KCNT2: variants seen among roughly 807,000 people sequenced by gnomAD.
KCNT2 encodes potassium sodium-activated channel subfamily T member 2.
Under a neutral mutation model 153.8 loss-of-function variants are expected in KCNT2, and 67 were observed. The observed-to-expected ratio is 0.44, with a 90% CI of 0.36 to 0.53. The LOEUF (loss-of-function observed/expected upper bound fraction) is 0.53, where lower values mean the gene tolerates loss of function less well. KCNT2 is among the 20% of genes least tolerant of loss of function. KCNT2 has a pLI of 0.00. For missense variants in KCNT2, 975 were observed against 1,354.8 expected (o/e 0.72, Z 4.40); for synonymous variants, 500 against 458.8 (o/e 1.09, Z -1.15).
At chr1:196,461,272 A>C (rs537472684) in intron 8 of KCNT2, among the ~76,000 whole-genome samples, 2 of 151,730 alleles carry the variant, frequency 1.3e-5, no homozygotes, top group Non-Finnish European at 3.0e-5. Flanking sequence ...CATGTTAATC[A>C]TGTTTAACAT....
intron 1 of KCNT2, among the ~76,000 whole-genome samples, chr1:196,504,861 T>C (rs10922076): frequency 0.97 from 147,067 of 152,264 alleles, 71,228 homozygotes; most frequent in Middle Eastern, 1. Flanking sequence ...TTTTATGTGT[T>C]TTTTGGCTGC....
rs367733633 is a variant in KCNT2 at position 196,516,726 on chromosome 1, C to T, written c.96-24385G>A. On this transcript the variant is annotated intron_variant, in intron 1 of 27. Coordinates refer to ENST00000294725, the MANE Select transcript of KCNT2 (RefSeq NM_198503.5). The stretch of plus-strand genomic sequence containing the variant: ...ACCTAGCCACCCCTGTCAGTGTGTT[C>T]GGGCTGGCAACAGGGACAGAGCTTT... 3.3e-5 allele frequency among the ~76,000 whole-genome samples: 5 copies of T among 152,078 alleles called. No individual in the cohort carries two copies. The East Asian group carries it at 7.7e-4, about 23-fold the overall frequency.
chr1:196,514,820 C>T (rs1008588801), intron 1 of KCNT2, among the ~76,000 whole-genome samples: 1 of 152,014 alleles, frequency 6.6e-6, no homozygotes, highest in Admixed American at 6.6e-5. Flanking sequence ...TTTATTAATT[C>T]TGCTAAATGT....
At chr1:196,440,890 CTGAGTTCCTACAAATCTGAACCT>C (rs772652431) in intron 8 of KCNT2, among the ~76,000 whole-genome samples, 1 of 151,864 alleles carries the variant, frequency 6.6e-6, no homozygotes, top group Non-Finnish European at 1.5e-5. Flanking sequence ...ATCTCTTTTA[CTGAGTTCCTACAAATCTGAACCT>C]TGAGAACTCC....
At chr1:196,348,667 G>T (rs1391164279) in intron 14 of KCNT2, among the ~76,000 whole-genome samples, 1 of 152,026 alleles carries the variant, frequency 6.6e-6, no homozygotes, top group Non-Finnish European at 1.5e-5. Context: ...AACAGAATAT[G>T]GAGATGAAAC....
intron 14 of KCNT2, among the ~76,000 whole-genome samples, chr1:196,360,045 T>C (rs1667492415): frequency 1.3e-5 from 2 of 152,210 alleles, no homozygotes; most frequent in Admixed American, 6.6e-5. Flanking sequence ...ATATGTTTAA[T>C]AGAATACTTG....
At chr1:196,298,447 A>G (rs1660875780) in intron 22 of KCNT2, among the ~76,000 whole-genome samples, 1 of 152,192 alleles carries the variant, frequency 6.6e-6, no homozygotes, top group Non-Finnish European at 1.5e-5. Context: ...TGAAGAATAT[A>G]AATGAACAGT....
At chr1:196,555,889 T>C (rs1658587887) in intron 1 of KCNT2, among the ~76,000 whole-genome samples, 1 of 151,260 alleles carries the variant, frequency 6.6e-6, no homozygotes, top group Non-Finnish European at 1.5e-5. Flanking sequence ...GTGTCAAAAC[T>C]ATTCATTGGG....
chr1:196,262,267 G>C (rs557669619), intron 25 of KCNT2, among the ~76,000 whole-genome samples: 6 of 151,738 alleles, frequency 4.0e-5, no homozygotes, highest in Non-Finnish European at 5.9e-5. Flanking sequence ...CACGTCATAG[G>C]TTATTGAGCA....
At chr1:196,555,657 T>C (rs949013544) in intron 1 of KCNT2, among the ~76,000 whole-genome samples, 2 of 150,974 alleles carry the variant, frequency 1.3e-5, no homozygotes, top group African/African-American at 4.8e-5. Context: ...ATATATAAAA[T>C]TTATATGGAA....
intron 18 of KCNT2, among the ~76,000 whole-genome samples, chr1:196,330,819 G>A (rs1316467775): frequency 6.6e-6 from 1 of 152,072 alleles, no homozygotes; most frequent in East Asian, 1.9e-4. Flanking sequence ...AAGTAATAAT[G>A]TTAAAATAAA....
chr1:196,469,951 C>T (rs1198790871), intron 5 of KCNT2, among the ~76,000 whole-genome samples: 3 of 152,158 alleles, frequency 2.0e-5, no homozygotes, highest in Non-Finnish European at 4.4e-5. Flanking sequence ...AATTGGGACT[C>T]TTTCTTAATT....
chr1:196,398,522 T>C (rs1331028318), intron 13 of KCNT2, 41 bp downstream of exon 13: 3 of 1,108,486 alleles, frequency 2.7e-6, no homozygotes, highest in Non-Finnish European at 4.1e-6. Context: ...CTATAGGAGT[T>C]TCAGGAAATT....
At chr1:196,579,198 C>A (rs1661726387) in intron 1 of KCNT2, among the ~76,000 whole-genome samples, 1 of 152,038 alleles carries the variant, frequency 6.6e-6, no homozygotes, top group Admixed American at 6.6e-5. Flanking sequence ...TTTGTATACA[C>A]TATGCTTAGC....
intron 13 of KCNT2, among the ~76,000 whole-genome samples, chr1:196,378,804 T>C (rs979545655): frequency 2.0e-5 from 3 of 147,630 alleles, no homozygotes; most frequent in Non-Finnish European, 4.5e-5. Flanking sequence ...AACAACATTG[T>C]ATATATAATT....
chr1:196,380,263 T>C (rs1042917211), intron 13 of KCNT2, among the ~76,000 whole-genome samples: 2 of 152,208 alleles, frequency 1.3e-5, no homozygotes, highest in African/African-American at 2.4e-5. Context: ...TGTGAGATTA[T>C]TGATTTCTTC....
chr1:196,521,412 A>G (rs933793493), intron 1 of KCNT2, among the ~76,000 whole-genome samples: 1 of 152,214 alleles, frequency 6.6e-6, no homozygotes, highest in Non-Finnish European at 1.5e-5. Flanking sequence ...AGCTAAAAAC[A>G]GTACCACCAT....
intron 8 of KCNT2, among the ~76,000 whole-genome samples, chr1:196,437,448 T>C (rs1674823718): frequency 6.9e-6 from 1 of 145,380 alleles, no homozygotes; most frequent in Admixed American, 7.1e-5. Flanking sequence ...GGTAGTTACC[T>C]AATTGTAACA....
chr1:196,559,907 C>T (rs549048883), intron 1 of KCNT2, among the ~76,000 whole-genome samples: 13 of 151,776 alleles, frequency 8.6e-5, no homozygotes, highest in South Asian at 2.1e-4. Flanking sequence ...ATACAGGACA[C>T]GTTAAATAAG....
Sources: allele counts gnomAD v4.1 joint callset (sites outside exome capture counted in the v4.1 genomes callset), GRCh38; gene constraint gnomAD v4.1.1; transcripts MANE v1.5; gene names NCBI Gene and HGNC (gene_info 2026-07-23, HGNC 2026-07-21).